GABRA4: variants seen among roughly 807,000 people sequenced by gnomAD.
The protein encoded by GABRA4 is gamma-aminobutyric acid type A receptor subunit alpha4.
GABRA4 carries 12 observed loss-of-function variants against 49.7 expected under a neutral mutation model. That is an observed-to-expected ratio of 0.24 (90% CI 0.15 to 0.39). The LOEUF (loss-of-function observed/expected upper bound fraction) is 0.39. Among genes scored for constraint, GABRA4 ranks in the 10% least tolerant of loss-of-function variants. GABRA4 has a pLI of 1.00. For synonymous variants in GABRA4, 288 were observed against 240.2 expected (o/e 1.20, Z -1.84); for missense variants, 506 against 686.0 (o/e 0.74, Z 2.93).
intron 8 of GABRA4, among the ~76,000 whole-genome samples, chr4:46,936,839 C>T (rs1195066497): frequency 6.6e-6 from 1 of 152,022 alleles, no homozygotes; most frequent in Non-Finnish European, 1.5e-5. Flanking sequence ...TCTCTTATGT[C>T]AATTATAGTA....
chr4:46,981,343 G>T (rs75253498), intron 2 of GABRA4, among the ~76,000 whole-genome samples: 8,612 of 152,134 alleles, frequency 0.057, 343 homozygotes, highest in South Asian at 0.17. Flanking sequence ...TAGTTACAAT[G>T]ATTCCATGAT....
chr4:46,933,679 C>A (rs1721516894), intron 8 of GABRA4, among the ~76,000 whole-genome samples: 1 of 152,138 alleles, frequency 6.6e-6, no homozygotes, highest in Non-Finnish European at 1.5e-5. Context: ...ATTCACCCAG[C>A]TTTCACATTT....
chr4:46,965,642 C>A (rs1306541856), intron 7 of GABRA4, among the ~76,000 whole-genome samples: 1 of 151,770 alleles, frequency 6.6e-6, no homozygotes, highest in African/African-American at 2.4e-5. Flanking sequence ...GAGTAACTCA[C>A]TGAAGCACTG....
chr4:46,969,669 C>T (rs544549867), intron 7 of GABRA4, among the ~76,000 whole-genome samples: 14 of 151,512 alleles, frequency 9.2e-5, no homozygotes, highest in African/African-American at 2.4e-4. Flanking sequence ...ATATTGAGAA[C>T]GATACATAAC....
At position 46,954,052 on chromosome 4, in the gene GABRA4, T is replaced by C. The variant is rs768902341; in HGVS notation, c.1134+10918A>G. 1.8e-4 allele frequency among the ~76,000 whole-genome samples: 28 copies of C among 152,294 alleles called. No individual in the cohort carries two copies. The Middle Eastern group carries it at 0.01, about 56-fold the overall frequency. On this transcript the variant is annotated intron_variant, in intron 8 of 8. Coordinates refer to ENST00000264318, the MANE Select transcript of GABRA4 (RefSeq NM_000809.4). ...GTAAAAAGTATTGCTGTGAAGGCTA[T>C]ATGAATATACATGAAGTGCTTAAAA...
chr4:46,970,683 C>T (rs1237876744), intron 7 of GABRA4, among the ~76,000 whole-genome samples: 4 of 150,112 alleles, frequency 2.7e-5, no homozygotes, highest in Non-Finnish European at 4.5e-5. Flanking sequence ...TATTCTAAGG[C>T]TTTCATATTC....
At chr4:46,978,999 C>T in intron 3 of GABRA4, 32 bp downstream of exon 3, 1 of 1,437,102 alleles carries the variant, frequency 7.0e-7, no homozygotes, top group African/African-American at 1.4e-5. Flanking sequence ...CTTCAAGTCT[C>T]AAAAGGTACA....
Position 46,977,519 on chromosome 4 carries a change from T to C in GABRA4, c.385A>G (p.Thr129Ala), listed in dbSNP as rs1360143634. The part of the protein sequence containing the change: ...LNNMMVTKVW[T>A]PDTFFRNGKK... Reference sequence around the variant, plus strand: ...CCATTCCTGAAGAAAGTATCAGGGGTCCACACTTTCGTTACCATCATATTG... The same window carrying C: ...CCATTCCTGAAGAAAGTATCAGGGGCCCACACTTTCGTTACCATCATATTG... Residue 129 changes from threonine (T) to alanine (A), a missense_variant, in exon 4 of 9, where the codon ACC (threonine) becomes GCC (alanine). By Grantham distance (58) the Thr-to-Ala change is moderately conservative. Transcript: ENST00000264318. The C allele has an allele frequency of 6.2e-7, 1 of 1,610,976 alleles. No homozygotes were observed. Among genetic ancestry groups the C allele is most frequent in the Non-Finnish European group, 8.5e-7 (1 of 1,177,540 alleles).
At chr4:46,970,086 T>A (rs1361240202) in intron 7 of GABRA4, among the ~76,000 whole-genome samples, 1 of 151,312 alleles carries the variant, frequency 6.6e-6, no homozygotes, top group Non-Finnish European at 1.5e-5. Flanking sequence ...GTCTTTAGAG[T>A]ATTTCAGATC....
chr4:46,935,796 A>G (rs1387947977), intron 8 of GABRA4, among the ~76,000 whole-genome samples: 1 of 152,212 alleles, frequency 6.6e-6, no homozygotes, highest in Non-Finnish European at 1.5e-5. Flanking sequence ...CTGCACATGC[A>G]TCCCAGAACT....
intron 8 of GABRA4, among the ~76,000 whole-genome samples, chr4:46,938,523 T>A (rs531854072): frequency 6.6e-6 from 1 of 152,270 alleles, no homozygotes; most frequent in African/African-American, 2.4e-5. Context: ...ATAAGCCATG[T>A]ACCTCTGTAA....
rs1006586715 is a variant in GABRA4, at chr4:46,923,743, C to T, written c.*4482G>A. The T allele has an allele frequency of 2.0e-5, 3 of 152,022 alleles. No homozygotes were observed. Among genetic ancestry groups the T allele is most frequent in the Non-Finnish European group, 4.4e-5 (3 of 67,990 alleles). 9.4% of individuals were successfully genotyped at this position (152,022 alleles called of 1,614,324 possible). On this transcript the variant is annotated 3_prime_UTR_variant, in exon 9 of 9. Coordinates refer to ENST00000264318, the MANE Select transcript of GABRA4 (RefSeq NM_000809.4). ...GAAAAATAAGGATGTTAGTTTTCAT[C>T]GTATTATTCTTCAAGATTTTTAATA...
At chr4:46,974,877 C>G (rs1158612481) in intron 5 of GABRA4, among the ~76,000 whole-genome samples, 1 of 151,936 alleles carries the variant, frequency 6.6e-6, no homozygotes, top group African/African-American at 2.4e-5. Context: ...TCACCTGTTC[C>G]AAACTCTGCC....
At chr4:46,938,122 T>G (rs185470635) in intron 8 of GABRA4, among the ~76,000 whole-genome samples, 6 of 152,232 alleles carry the variant, frequency 3.9e-5, no homozygotes, top group Non-Finnish European at 8.8e-5. Context: ...TAGAGAGAGA[T>G]CTCATAAAAC....
Position 46,919,573 on chromosome 4 carries a change from T to C in GABRA4, c.*8652A>G, listed in dbSNP as rs950557378. ...ATGATAACAAATTTAGTTTTTATGA[T>C]ATGAGGAAATATGCATTATTGTTTT... On this transcript the variant is annotated 3_prime_UTR_variant, in exon 9 of 9. Transcript: ENST00000264318. The C allele has an allele frequency of 3.3e-5, 5 of 151,612 alleles. No individual in the cohort carries two copies. Among genetic ancestry groups the C allele is most frequent in the East Asian group, 1.9e-4 (1 of 5,192 alleles). The allele number at this position is 151,612 out of a possible 1,614,324, so 9.4% of individuals were successfully genotyped here. A position where few individuals can be genotyped will look rare whatever the true frequency, so the allele number is the denominator to read the frequency against.
At chr4:46,972,170 C>A (rs1373341799) in intron 6 of GABRA4, among the ~76,000 whole-genome samples, 1 of 151,536 alleles carries the variant, frequency 6.6e-6, no homozygotes, top group African/African-American at 2.4e-5. Context: ...TAGAAAGCTA[C>A]TGTATTGTTT....
chr4:46,952,255 A>T (rs1481235376), intron 8 of GABRA4, among the ~76,000 whole-genome samples: 1 of 152,092 alleles, frequency 6.6e-6, no homozygotes. Context: ...TTAAAAATTC[A>T]GGATTATTCA....
chr4:46,951,535 T>G (rs1203177042), intron 8 of GABRA4, among the ~76,000 whole-genome samples: 3 of 151,804 alleles, frequency 2.0e-5, no homozygotes, highest in Non-Finnish European at 4.4e-5. Flanking sequence ...AGAGTTGACT[T>G]TCTGCTTTTT....
chr4:46,966,085 C>T (rs1207827323), intron 7 of GABRA4, among the ~76,000 whole-genome samples: 1 of 151,652 alleles, frequency 6.6e-6, no homozygotes, highest in Non-Finnish European at 1.5e-5. Context: ...TTCTCCTTGC[C>T]ACTGGTACTA....
Sources: gnomAD v4.1 joint callset for allele counts (sites outside exome capture counted in the v4.1 genomes callset) on GRCh38, gnomAD v4.1.1 for gene constraint, MANE v1.5 for transcripts, NCBI Gene and HGNC (gene_info 2026-07-23, HGNC 2026-07-21) for gene names.